PROM1: variants seen among roughly 807,000 people sequenced by gnomAD.
PROM1 encodes the protein prominin-1.
A neutral mutation model predicts 116.9 loss-of-function variants in PROM1; 105 were observed. The ratio of observed to expected loss-of-function variants is 0.90; its 90% CI spans 0.77 to 1.06. The LOEUF (loss-of-function observed/expected upper bound fraction) is 1.06, where lower values mean the gene tolerates loss of function less well. PROM1 is among the 50% of genes least tolerant of loss of function. PROM1 has a pLI of 0.00. For synonymous variants in PROM1, 393 were observed against 387.0 expected, an observed-to-expected ratio of 1.02 and a Z score of -0.18; for missense variants, 1,122 against 1,045.2, an observed-to-expected ratio of 1.07 and a Z score of -1.01.
At chr4:16,002,494 C>T (rs1724125398) in intron 13 of PROM1, among the ~76,000 whole-genome samples, 2 of 152,182 alleles carry the variant, frequency 1.3e-5, no homozygotes, top group Admixed American at 1.3e-4. Context: ...ATCACCACAG[C>T]ATCCCCTCCT....
intron 13 of PROM1, among the ~76,000 whole-genome samples, chr4:16,004,836 C>CTTTCTTTCTTTCTTTTT (rs1560460117): frequency 5.9e-4 from 34 of 57,586 alleles, no homozygotes; most frequent in African/African-American, 1.6e-3. Context: ...TCTTTTTCTT[C>CTTTCTTTCTTTCTTTTT]CTTCCTTCCT....
intron 19 of PROM1, among the ~76,000 whole-genome samples, chr4:15,988,077 C>T (rs376630182): frequency 6.6e-6 from 1 of 152,050 alleles, no homozygotes; most frequent in South Asian, 2.1e-4. Flanking sequence ...GGGGTTTCAC[C>T]GTGTTAGCCA....
At position 15,980,430 on chromosome 4, in the gene PROM1, C is replaced by T. The variant is rs1423192339; in HGVS notation, c.2481G>A (p.Val827=). The part of the protein sequence containing the change: ...KYYRRMDSED[V]YDDVETIPMK... ...GAAGCCCACATACTTACTCATCGTA[C>T]ACGTCCTCCGAATCCATTCGACGAT... The change falls in exon 24 of 28, where the codon GTG becomes GTA. Residue 827 remains valine, a synonymous_variant. Coordinates refer to ENST00000447510, the MANE Select transcript of PROM1 (RefSeq NM_006017.3). 1.9e-6 allele frequency: 3 copies of T among 1,545,104 alleles called. No homozygotes were observed. Among genetic ancestry groups the T allele is most frequent in the African/African-American group, 2.7e-5 (2 of 72,778 alleles).
chr4:16,006,683 C>A lies in PROM1; in HGVS notation c.1309G>T (p.Gly437Cys). 2 of 1,612,960 alleles carry A rather than the reference C, an allele frequency of 1.2e-6. No homozygotes were observed. Among genetic ancestry groups the A allele is most frequent in the Non-Finnish European group, 1.7e-6 (2 of 1,179,556 alleles). The change falls in exon 13 of 28, where the codon GGT (glycine) becomes TGT (cysteine). Residue 437 changes from glycine to cysteine, a missense_variant. Coordinates refer to ENST00000447510, the MANE Select transcript of PROM1 (RefSeq NM_006017.3). ...AGCAGAGAGCAGATGACCAGGCCACCCAGCCACCTGGAGAGGCAAGCACAG... is the reference window on the plus strand; with the variant it reads ...AGCAGAGAGCAGATGACCAGGCCACACAGCCACCTGGAGAGGCAAGCACAG... ...LEEYDSYWWL[G>C]GLVICSLLTL...
chr4:16,023,718 C>G (rs1192023816), intron 7 of PROM1, among the ~76,000 whole-genome samples: 1 of 152,190 alleles, frequency 6.6e-6, no homozygotes, highest in Non-Finnish European at 1.5e-5. Context: ...CTGGACTGCA[C>G]TCTGGTGGGG....
At position 16,037,750 on chromosome 4, in the gene PROM1, A is replaced by G. The variant is rs115457057; in HGVS notation, c.276+1196T>C. ...AACTAATTTTTATTACCTTACATTC[A>G]GTGCTACACACTTTTGTCTGTTTGC... On this transcript the variant is annotated intron_variant, in intron 3 of 27. Transcript: ENST00000447510. Among the ~76,000 whole-genome samples the G allele has an allele frequency of 2.7e-3, 409 of 152,310 alleles. 2 individuals carry two copies. Among genetic ancestry groups the G allele is most frequent in the Non-Finnish European group, 5.0e-3 (340 of 68,034 alleles).
chr4:16,018,635 A>C, intron 8 of PROM1, 95 bp from the exon 9 acceptor site: 1 of 1,110,708 alleles, frequency 9.0e-7, no homozygotes, highest in East Asian at 2.6e-5. Context: ...CTGGTAAATG[A>C]CTTTAGATGG....
rs1055005376 is a variant in PROM1, at chr4:16,010,320, A to G, written c.1142-1212T>C. On this transcript the variant is annotated intron_variant, in intron 11 of 27. Transcript: ENST00000447510. ...TATCCAAGTGATTCTTGACACGGAC[A>G]TACTAAGAACACACTAATCAGTTAA... 3.3e-5 allele frequency among the ~76,000 whole-genome samples: 5 copies of G among 152,296 alleles called. No homozygotes were observed. The East Asian group carries it at 5.8e-4, about 18-fold the overall frequency.
intron 11 of PROM1, among the ~76,000 whole-genome samples, chr4:16,011,877 C>T (rs1726957456): frequency 6.6e-6 from 1 of 152,190 alleles, no homozygotes; most frequent in Non-Finnish European, 1.5e-5. Flanking sequence ...AATCAAGTAT[C>T]TCTAACATAA....
chr4:15,975,376 C>T (rs1441610473), intron 26 of PROM1, among the ~76,000 whole-genome samples: 2 of 152,162 alleles, frequency 1.3e-5, no homozygotes, highest in African/African-American at 2.4e-5. Flanking sequence ...CCCGCCACTA[C>T]GCCCAGCTAA....
chr4:16,048,408 A>G (rs1028279979), intron 2 of PROM1, among the ~76,000 whole-genome samples: 7 of 151,980 alleles, frequency 4.6e-5, no homozygotes, highest in Non-Finnish European at 8.8e-5. Context: ...CTTTCGTTAA[A>G]CCCTTCAAAT....
intron 6 of PROM1, among the ~76,000 whole-genome samples, chr4:16,024,966 T>G (rs1560514572): frequency 6.6e-6 from 1 of 152,222 alleles, no homozygotes; most frequent in Non-Finnish European, 1.5e-5. Context: ...TAATGTTAAG[T>G]TATATCTCAA....
intron 3 of PROM1, among the ~76,000 whole-genome samples, chr4:16,036,794 C>T (rs1037083545): frequency 6.6e-6 from 1 of 152,152 alleles, no homozygotes; most frequent in Admixed American, 6.5e-5. Flanking sequence ...GTCAGAAAGC[C>T]CTCCTCTAGA....
chr4:16,076,014 A>C lies in PROM1; in HGVS notation c.-108T>G. On this transcript the variant is annotated 5_prime_UTR_variant, in exon 2 of 28. Coordinates refer to ENST00000447510, the MANE Select transcript of PROM1 (RefSeq NM_006017.3). ...TGTTCCTGGGCAGAAGAGGAGCAGG[A>C]AGCACTGGATCTGCTGAATCTTCAG... 1 of 1,453,690 alleles carries C rather than the reference A, an allele frequency of 6.9e-7. No homozygotes were observed. The highest frequency in any genetic ancestry group is 9.1e-7 in the Non-Finnish European group (1 of 1,102,460). 90.0% of individuals were successfully genotyped at this position (1,453,690 alleles called of 1,614,324 possible).
At chr4:15,995,124 C>T (rs919873423) in intron 15 of PROM1, among the ~76,000 whole-genome samples, 1 of 152,142 alleles carries the variant, frequency 6.6e-6, no homozygotes, top group African/African-American at 2.4e-5. Context: ...CAGAAGACCT[C>T]GGTTGACTAT....
At chr4:15,977,301 C>T (rs959880379) in intron 26 of PROM1, among the ~76,000 whole-genome samples, 25 of 152,204 alleles carry the variant, frequency 1.6e-4, no homozygotes, top group Non-Finnish European at 3.2e-4. Context: ...AGCAATTCTA[C>T]AAATTCAAAG....
chr4:15,990,335 A>G (rs997848517), intron 18 of PROM1, among the ~76,000 whole-genome samples: 2 of 152,164 alleles, frequency 1.3e-5, no homozygotes, highest in Admixed American at 6.5e-5. Flanking sequence ...CCTCGTCACC[A>G]TGGCGTGCTG....
At position 15,983,357 on chromosome 4, in the gene PROM1, C is replaced by T. The variant is rs137906141; in HGVS notation, c.2373+906G>A. ...GAATCATCAAAACAGCCCATGTAGG[C>T]GAGGAACTCAGAAAATTTCAGGAAT... On this transcript the variant is annotated intron_variant, in intron 23 of 27. Transcript: ENST00000447510. Among the ~76,000 whole-genome samples the T allele has an allele frequency of 2.5e-3, 383 of 151,494 alleles. 1 individual carries two copies. Among genetic ancestry groups the T allele is most frequent in the African/African-American group, 9.0e-3 (371 of 41,352 alleles).
Position 16,042,460 on chromosome 4 carries a change from A to G in PROM1, c.221-3459T>C, listed in dbSNP as rs144896883. ...AAGACAAGGAGGTGGGAGGAGGGTA[A>G]ATGATTAAAAATTACTTAATGGGTA... On this transcript the variant is annotated intron_variant, in intron 2 of 27. Coordinates refer to ENST00000447510, the MANE Select transcript of PROM1 (RefSeq NM_006017.3). 4.8e-3 allele frequency among the ~76,000 whole-genome samples: 731 copies of G among 152,300 alleles called. 20 individuals carry two copies. Among genetic ancestry groups the G allele is most frequent in the East Asian group, 0.01 (54 of 5,184 alleles).
Sources: gnomAD v4.1 joint callset for allele counts (sites outside exome capture counted in the v4.1 genomes callset) on GRCh38, gnomAD v4.1.1 for gene constraint, MANE v1.5 for transcripts, NCBI Gene and HGNC (gene_info 2026-07-23, HGNC 2026-07-21) for gene names.